CDH4: variants seen among roughly 807,000 people sequenced by gnomAD.
CDH4 encodes the protein cadherin-4.
Under a neutral mutation model 86.0 loss-of-function variants are expected in CDH4, and 33 were observed. That is an observed-to-expected ratio of 0.38 (90% confidence interval 0.29 to 0.51). The LOEUF (loss-of-function observed/expected upper bound fraction) is 0.51, where lower values mean the gene tolerates loss of function less well. CDH4 is among the 20% of genes least tolerant of loss of function. The probability of loss-of-function intolerance (pLI) is 0.86; values close to 1 mark genes in which losing one functional copy is unlikely to be tolerated. For missense variants in CDH4, 1,114 were observed against 1,307.4 expected (o/e 0.85, Z 2.28); for synonymous variants, 555 against 549.4 (o/e 1.01, Z -0.14).
rs556843247 is a variant in CDH4 at position 61,709,518 on chromosome 20, C to T, written c.170-34045C>T. Among the ~76,000 whole-genome samples, 230 of 152,194 alleles carry T rather than the reference C, an allele frequency of 1.5e-3. 1 individual carries two copies. The highest frequency in any genetic ancestry group is 2.3e-3 in the Non-Finnish European group (156 of 68,002). On this transcript the variant is annotated intron_variant, in intron 2 of 15. Coordinates refer to ENST00000614565, the MANE Select transcript of CDH4 (RefSeq NM_001794.5). The surrounding 1 kb of genome is among the most constrained non-coding windows in gnomAD (Gnocchi z 4.8). ...CTCGAACCCCTGGCCTCAAGTCATC[C>T]GACTGCCTTAGCCTCCCAAAATGCT...
chr20:61,291,508 T>C (rs2084320731), intron 2 of CDH4, among the ~76,000 whole-genome samples: 1 of 151,980 alleles, frequency 6.6e-6, no homozygotes, highest in Non-Finnish European at 1.5e-5. Context: ...TCCTCCAGAG[T>C]AAGGGGGGAT....
chr20:61,665,475 G>T (rs1449288722), intron 2 of CDH4, among the ~76,000 whole-genome samples: 1 of 152,254 alleles, frequency 6.6e-6, no homozygotes, highest in African/African-American at 2.4e-5. Flanking sequence ...TTCTCATCAA[G>T]GGTTTGCCTT....
chr20:61,302,772 C>T (rs1230810088), intron 2 of CDH4, among the ~76,000 whole-genome samples: 1 of 152,166 alleles, frequency 6.6e-6, no homozygotes, highest in Non-Finnish European at 1.5e-5. Flanking sequence ...CTCACCTTGC[C>T]CCGCAGAAGG....
chr20:61,928,053 G>A (rs973346640), intron 11 of CDH4, 137 bp from the exon 12 acceptor site: 56 of 745,754 alleles, frequency 7.5e-5, no homozygotes, highest in Non-Finnish European at 1.1e-4. Flanking sequence ...ATGGCCGGCC[G>A]TGTCCGGCTG....
intron 4 of CDH4, among the ~76,000 whole-genome samples, chr20:61,828,651 G>T (rs1388515401): frequency 6.6e-5 from 10 of 152,194 alleles, no homozygotes; most frequent in Admixed American, 6.5e-4. Flanking sequence ...TTTGCTGATG[G>T]CCTCCCTGTG....
At chr20:61,267,431 A>G (rs568741240) in intron 2 of CDH4, among the ~76,000 whole-genome samples, 2 of 152,294 alleles carry the variant, frequency 1.3e-5, no homozygotes, top group South Asian at 4.1e-4. Flanking sequence ...TGTAACCAGC[A>G]TCTCAAAGTG....
rs2085837869 is a variant in CDH4, at chr20:61,518,168, T to G, written c.170-225395T>G. ...CACTCACTGTGTCTGGGACACTAGG[T>G]GGGTGTTTATTCTGCCATCATCCCT... On this transcript the variant is annotated intron_variant, in intron 2 of 15. Coordinates refer to ENST00000614565, the MANE Select transcript of CDH4 (RefSeq NM_001794.5). This position sits in a 1 kb window ranked among gnomAD's most constrained non-coding sequence, Gnocchi z 6.3. Among the ~76,000 whole-genome samples, 2 of 152,304 alleles carry G rather than the reference T, an allele frequency of 1.3e-5. No homozygotes were observed. The highest frequency in any genetic ancestry group is 6.5e-5 in the Admixed American group (1 of 15,308).
chr20:61,726,575 A>G (rs1282897997), intron 2 of CDH4, among the ~76,000 whole-genome samples: 2 of 151,814 alleles, frequency 1.3e-5, no homozygotes. Flanking sequence ...TGCCATCATC[A>G]TCATTATGCC....
At chr20:61,431,154 G>A (rs2085244223) in intron 2 of CDH4, among the ~76,000 whole-genome samples, 1 of 152,150 alleles carries the variant, frequency 6.6e-6, no homozygotes, top group South Asian at 2.1e-4. Context: ...GAAGCACGTG[G>A]GTAGAGGATC....
chr20:61,612,646 A>C (rs1301564010), intron 2 of CDH4, among the ~76,000 whole-genome samples: 1 of 152,108 alleles, frequency 6.6e-6, no homozygotes, highest in South Asian at 2.1e-4. Flanking sequence ...ACCATGGCCA[A>C]TTATGGACTT....
chr20:61,821,387 C>A (rs1290073652), intron 4 of CDH4, among the ~76,000 whole-genome samples: 1 of 135,620 alleles, frequency 7.4e-6, no homozygotes, highest in African/African-American at 2.8e-5. Context: ...ACGCAGCCCC[C>A]ACCCCAGCCC....
intron 2 of CDH4, among the ~76,000 whole-genome samples, chr20:61,424,059 A>T (rs2085195429): frequency 6.6e-6 from 1 of 152,112 alleles, no homozygotes; most frequent in Middle Eastern, 3.2e-3. Context: ...TCATATATAC[A>T]TACACATCCA....
intron 2 of CDH4, among the ~76,000 whole-genome samples, chr20:61,631,612 C>G (rs1019156623): frequency 6.6e-6 from 1 of 152,166 alleles, no homozygotes; most frequent in Non-Finnish European, 1.5e-5. Flanking sequence ...CCACTGCTCT[C>G]TAGCATGGGC....
At chr20:61,759,961 C>T (rs1464923934) in intron 3 of CDH4, among the ~76,000 whole-genome samples, 2 of 152,188 alleles carry the variant, frequency 1.3e-5, no homozygotes, top group African/African-American at 4.8e-5. Context: ...GCAGCCCGGC[C>T]AGGACCGAGG....
chr20:61,273,233 G>T (rs1183636424), intron 2 of CDH4, among the ~76,000 whole-genome samples: 1 of 135,636 alleles, frequency 7.4e-6, no homozygotes, highest in Non-Finnish European at 1.6e-5. Context: ...GTGCAGTTTG[G>T]GGGAGTACAG....
rs866537757 is a variant in CDH4, at chr20:61,256,011, T to C, written c.169+1074T>C. Among the ~76,000 whole-genome samples, 12 of 152,298 alleles carry C rather than the reference T, an allele frequency of 7.9e-5. No homozygotes were observed. In the South Asian group the frequency reaches 1.9e-3, roughly 24 times the overall value. ...TTAATCATCAAAAAAATAAAAAATC[T>C]CTAGGCAGTCGGCCTAGGAGCAGAA... On this transcript the variant is annotated intron_variant, in intron 2 of 15. Transcript: ENST00000614565.
chr20:61,862,831 A>C (rs1388587297), intron 6 of CDH4, among the ~76,000 whole-genome samples: 1 of 152,226 alleles, frequency 6.6e-6, no homozygotes, highest in East Asian at 1.9e-4. Flanking sequence ...ATGTCATTTT[A>C]AAATATTAAA....
At chr20:61,522,909 A>G (rs1333253588) in intron 2 of CDH4, among the ~76,000 whole-genome samples, 1 of 152,212 alleles carries the variant, frequency 6.6e-6, no homozygotes, top group Non-Finnish European at 1.5e-5. Flanking sequence ...CTGTACACAG[A>G]GTGCAGGGAA....
In CDH4 at chr20:61,844,836, A is replaced by G. The variant is rs772577009; in HGVS notation, c.732+13A>G. 1 of 1,604,398 alleles carries G rather than the reference A, an allele frequency of 6.2e-7. No individual in the cohort carries two copies. Among genetic ancestry groups the G allele is most frequent in the South Asian group, 1.1e-5 (1 of 89,984 alleles). On this transcript the variant is annotated intron_variant, in intron 5 of 15. Coordinates refer to ENST00000614565, the MANE Select transcript of CDH4 (RefSeq NM_001794.5). Reference sequence around the variant, plus strand: ...CGCCTCTTACCACGTGAGTGTCCACACCCGGCTGAGAATGGGGCCCTGGGG... The same window carrying G: ...CGCCTCTTACCACGTGAGTGTCCACGCCCGGCTGAGAATGGGGCCCTGGGG...
Sources: allele counts gnomAD v4.1 joint callset (sites outside exome capture counted in the v4.1 genomes callset), GRCh38; gene constraint gnomAD v4.1.1; non-coding constraint Gnocchi (gnomAD v3.1); transcripts MANE v1.5; gene names NCBI Gene and HGNC (gene_info 2026-07-23, HGNC 2026-07-21).